Variants in WARS1 observed in about 807,000 individuals in gnomAD.
The protein encoded by WARS1 is tryptophanyl-tRNA synthetase 1, also known as tryptophan--tRNA ligase, cytoplasmic.
In WARS1, 17 loss-of-function variants were observed where a neutral mutation model predicts 47.8. That is an observed-to-expected ratio of 0.36 (90% confidence interval 0.24 to 0.53). WARS1 has a LOEUF of 0.53. Among genes scored for constraint, WARS1 ranks in the 20% least tolerant of loss-of-function variants. WARS1 has a pLI of 0.91. For synonymous variants in WARS1, 208 were observed against 228.1 expected (o/e 0.91, Z 0.79); for missense variants, 434 against 608.0 (o/e 0.71, Z 3.01).
Position 100,334,752 on chromosome 14 carries a change from A to G in WARS1, c.*123T>C. The G allele has an allele frequency of 8.7e-7, 1 of 1,144,278 alleles. No homozygotes were observed. Among genetic ancestry groups the G allele is most frequent in the Non-Finnish European group, 1.2e-6 (1 of 802,176 alleles). The allele number at this position is 1,144,278 out of a possible 1,614,324, so 70.9% of individuals were successfully genotyped here. ...GTATTGATAACATACACAGGCTTAC[A>G]GAGGCCAGGCCCAGTAATTACCATG... On this transcript the variant is annotated 3_prime_UTR_variant, in exon 11 of 11. Transcript: ENST00000392882.
chr14:100,335,126 C>T (rs544601564), intron 10 of WARS1, 90 bp from the exon 11 acceptor site: 1 of 1,349,810 alleles, frequency 7.4e-7, no homozygotes, highest in South Asian at 1.4e-5. Flanking sequence ...GCCCACACCA[C>T]CCATGCAGAG....
chr14:100,340,763 G>T (rs1420307954), intron 9 of WARS1, among the ~76,000 whole-genome samples: 2 of 151,220 alleles, frequency 1.3e-5, no homozygotes, highest in Non-Finnish European at 3.0e-5. Context: ...GGCGGGCCCT[G>T]TTCTGCCCCA....
Position 100,366,209 on chromosome 14 carries a change from A to G in WARS1, c.99+2878T>C, listed in dbSNP as rs556880961. ...TCCCACAGCCCAGCCCTTCTCTCCC[A>G]CTCAGCCGTAGAACTCTGGCAGCGG... On this transcript the variant is annotated intron_variant, in intron 2 of 10. Transcript: ENST00000392882. 25 of 424,714 alleles carry G rather than the reference A, an allele frequency of 5.9e-5. No homozygotes were observed. The East Asian group carries it at 1.1e-3, about 18-fold the overall frequency. 26.3% of individuals were successfully genotyped at this position (424,714 alleles called of 1,614,324 possible). A position where few individuals can be genotyped will look rare whatever the true frequency, so the allele number is the denominator to read the frequency against.
intron 6 of WARS1, among the ~76,000 whole-genome samples, chr14:100,350,674 C>T (rs907013238): frequency 6.6e-5 from 10 of 152,162 alleles, no homozygotes; most frequent in Non-Finnish European, 1.0e-4. Flanking sequence ...ATCAACGAAG[C>T]GGCTCAGCTT....
intron 9 of WARS1, among the ~76,000 whole-genome samples, chr14:100,338,271 A>T (rs893796864): frequency 4.1e-5 from 6 of 147,262 alleles, no homozygotes; most frequent in Non-Finnish European, 7.5e-5. Flanking sequence ...TGTCACCCTA[A>T]TTTTTTTTTT....
intron 7 of WARS1, among the ~76,000 whole-genome samples, chr14:100,345,297 A>T: frequency 6.6e-6 from 1 of 152,098 alleles, no homozygotes; most frequent in East Asian, 1.9e-4. Flanking sequence ...AGAGGTAGAC[A>T]TGGGAGACTT....
intron 1 of WARS1, among the ~76,000 whole-genome samples, chr14:100,372,227 C>G (rs938483499): frequency 6.6e-6 from 1 of 152,034 alleles, no homozygotes; most frequent in African/African-American, 2.4e-5. Context: ...GTTGCTCACA[C>G]AAACCCTGTT....
chr14:100,354,393 C>A, intron 5 of WARS1, 54 bp downstream of exon 5: 2 of 1,584,904 alleles, frequency 1.3e-6, no homozygotes, highest in Non-Finnish European at 8.6e-7. Context: ...GGTTTATAAG[C>A]AACATTCTCA....
Position 100,334,904 on chromosome 14 carries a change from G to T in WARS1, c.1387C>A (p.Pro463Thr), listed in dbSNP as rs1893601450. ...TGAAAGTCGAAGGACAGCTTCCGGGGAGTCATGAACTCTTTCACTATCTCA... is the reference window on the plus strand; with the variant it reads ...TGAAAGTCGAAGGACAGCTTCCGGGTAGTCATGAACTCTTTCACTATCTCA... Reference protein sequence around the residue: ...TDEIVKEFMTPRKLSFDFQ With the variant: ...TDEIVKEFMTTRKLSFDFQ Residue 463 changes from proline (P) to threonine (T), a missense_variant, in exon 11 of 11, where the codon CCC (proline) becomes ACC (threonine). Pro to Thr is a conservative substitution (Grantham distance 38, BLOSUM62 -1). Transcript: ENST00000392882. 1 of 1,613,992 alleles carries T rather than the reference G, an allele frequency of 6.2e-7. No homozygotes were observed. The highest frequency in any genetic ancestry group is 1.3e-5 in the African/African-American group (1 of 74,922).
chr14:100,335,785 T>C (rs1276812164), intron 10 of WARS1, among the ~76,000 whole-genome samples: 1 of 152,082 alleles, frequency 6.6e-6, no homozygotes, highest in Non-Finnish European at 1.5e-5. Context: ...TAAAGAAAAA[T>C]CACCTACAAA....
chr14:100,337,549 G>A (rs188804800), intron 9 of WARS1, among the ~76,000 whole-genome samples: 20 of 152,114 alleles, frequency 1.3e-4, no homozygotes, highest in South Asian at 4.2e-4. Flanking sequence ...GGTAACAAGC[G>A]TCAGAAAAAG....
chr14:100,361,171 C>T (rs2146106), intron 3 of WARS1, among the ~76,000 whole-genome samples: 114,344 of 152,160 alleles, frequency 0.75, 43,554 homozygotes, highest in East Asian at 0.87. Flanking sequence ...GAAAACATTT[C>T]AGTTCTGTTT....
chr14:100,348,340 C>T (rs1187457644), intron 6 of WARS1, among the ~76,000 whole-genome samples: 1 of 151,826 alleles, frequency 6.6e-6, no homozygotes, highest in Non-Finnish European at 1.5e-5. Context: ...AGGCCTGTAA[C>T]GGTCAAGGTC....
At chr14:100,345,884 G>A (rs959572818) in intron 7 of WARS1, among the ~76,000 whole-genome samples, 1 of 152,162 alleles carries the variant, frequency 6.6e-6, no homozygotes, top group Non-Finnish European at 1.5e-5. Context: ...AGAGGTTTCC[G>A]GGCCCTGGGC....
At position 100,361,704 on chromosome 14, in the gene WARS1, G is replaced by A. The variant is rs778407426; in HGVS notation, c.313+4C>T. ...TTTTTCTGGGAAGAAAGCAGAGGACGTACCAATGAGCTTATCGTAGTCTAT... is the reference window on the plus strand; with the variant it reads ...TTTTTCTGGGAAGAAAGCAGAGGACATACCAATGAGCTTATCGTAGTCTAT... On this transcript the variant is annotated splice_donor_region_variant and intron_variant, in intron 3 of 10. Transcript: ENST00000392882. 5.0e-6 allele frequency: 8 copies of A among 1,613,486 alleles called. No homozygotes were observed. The African/African-American group carries it at 5.3e-5, about 11-fold the overall frequency.
chr14:100,363,107 C>G lies in WARS1; in HGVS notation c.100-1186G>C, dbSNP rs143346500. Reference sequence around the variant, plus strand: ...TAGGCTCAGTACTTGCAAAAAATAACAGTTTAGTACGTATAATCTATCCAA... The same window carrying G: ...TAGGCTCAGTACTTGCAAAAAATAAGAGTTTAGTACGTATAATCTATCCAA... On this transcript the variant is annotated intron_variant, in intron 2 of 10. Coordinates refer to ENST00000392882, the MANE Select transcript of WARS1 (RefSeq NM_004184.4). Among the ~76,000 whole-genome samples the G allele has an allele frequency of 6.6e-5, 10 of 152,288 alleles. No individual in the cohort carries two copies. In the East Asian group the frequency reaches 1.9e-3, roughly 29 times the overall value.
intron 2 of WARS1, among the ~76,000 whole-genome samples, chr14:100,367,253 A>G (rs1030104934): frequency 2.6e-5 from 4 of 152,150 alleles, no homozygotes; most frequent in Non-Finnish European, 5.9e-5. Context: ...AGAAGAGATC[A>G]AAGAAATCAT....
chr14:100,361,923 T>C lies in WARS1; in HGVS notation c.100-2A>G, dbSNP rs1485086133. 4 of 1,613,860 alleles carry C rather than the reference T, an allele frequency of 2.5e-6. No individual in the cohort carries two copies. On this transcript the variant is annotated splice_acceptor_variant, in intron 2 of 10. Transcript: ENST00000392882. LOFTEE classifies it high-confidence loss of function. Reference sequence around the variant, plus strand: ...CTTTACTGCAGAATCAATTTCATCCTGAGAGAGGAAATAAAAGGGATGGCT... The same window carrying C: ...CTTTACTGCAGAATCAATTTCATCCCGAGAGAGGAAATAAAAGGGATGGCT...
intron 1 of WARS1, among the ~76,000 whole-genome samples, chr14:100,370,171 T>TAA (rs1323244784): frequency 3.9e-5 from 6 of 152,202 alleles, no homozygotes; most frequent in African/African-American, 1.4e-4. Context: ...ACGTGCTGCC[T>TAA]TATTTAACTA....
Sources: allele counts gnomAD v4.1 joint callset (sites outside exome capture counted in the v4.1 genomes callset), GRCh38; gene constraint gnomAD v4.1.1; transcripts MANE v1.5; gene names NCBI Gene and HGNC (gene_info 2026-07-23, HGNC 2026-07-21).